Variants in GALNT2 observed in about 807,000 individuals in gnomAD.
The protein encoded by GALNT2 is UDP-GalNAc:polypeptide N-acetylgalactosaminyltransferase 2.
In GALNT2, 31 loss-of-function variants were observed where a neutral mutation model predicts 81.4. That is an observed-to-expected ratio of 0.38 (90% CI 0.29 to 0.51). The LOEUF (loss-of-function observed/expected upper bound fraction) is 0.51, where lower values mean the gene tolerates loss of function less well. Among genes scored for constraint, GALNT2 ranks in the 20% least tolerant of loss-of-function variants. GALNT2 has a pLI of 0.87. For synonymous variants in GALNT2, 303 were observed against 287.4 expected, an observed-to-expected ratio of 1.05 and a Z score of -0.55; for missense variants, 629 against 765.7, an observed-to-expected ratio of 0.82 and a Z score of 2.11.
intron 2 of GALNT2, among the ~76,000 whole-genome samples, chr1:230,189,169 T>G (rs775103865): frequency 1.3e-5 from 2 of 152,196 alleles, no homozygotes; most frequent in Non-Finnish European, 2.9e-5. Flanking sequence ...GACCTTAGTG[T>G]CATTCTTGTA....
chr1:230,132,138 G>C (rs1013491730), intron 1 of GALNT2, among the ~76,000 whole-genome samples: 1 of 152,124 alleles, frequency 6.6e-6, no homozygotes. Context: ...TTTGTTTTTT[G>C]TTATTTCTAC....
chr1:230,151,969 C>G (rs1458737937), intron 1 of GALNT2, among the ~76,000 whole-genome samples: 1 of 152,262 alleles, frequency 6.6e-6, no homozygotes, highest in South Asian at 2.1e-4. Flanking sequence ...TGTGAATTAT[C>G]ATGGTGCTGG....
intron 1 of GALNT2, among the ~76,000 whole-genome samples, chr1:230,134,073 G>T (rs1474413246): frequency 6.8e-6 from 1 of 147,966 alleles, no homozygotes; most frequent in African/African-American, 2.5e-5. Context: ...TGGTTGGTTT[G>T]CTTGATTTTG....
Position 230,262,152 on chromosome 1 carries a change from G to A in GALNT2, c.1137-421G>A, listed in dbSNP as rs190295910. ...ATAGTGTCGTAGCCGTGACGGAGAA[G>A]GCCGTGGGGCCTGGAATCTCCTTGC... On this transcript the variant is annotated intron_variant, in intron 11 of 15. Transcript: ENST00000366672. 4.0e-3 allele frequency: 661 copies of A among 164,392 alleles called. 3 individuals carry two copies. Among genetic ancestry groups the A allele is most frequent in the Non-Finnish European group, 5.9e-3 (452 of 76,358 alleles). The allele number at this position is 164,392 out of a possible 1,614,324, so 10.2% of individuals were successfully genotyped here.
chr1:230,238,622 T>C (rs1665103559), intron 6 of GALNT2, among the ~76,000 whole-genome samples: 1 of 152,198 alleles, frequency 6.6e-6, no homozygotes, highest in South Asian at 2.1e-4. Flanking sequence ...TTTGTGGAGA[T>C]AGTCAAGTGG....
intron 7 of GALNT2, among the ~76,000 whole-genome samples, chr1:230,245,820 G>C (rs550297938): frequency 3.3e-5 from 5 of 152,288 alleles, no homozygotes; most frequent in South Asian, 2.1e-4. Flanking sequence ...AGTGACTCCT[G>C]CTACGCACCC....
chr1:230,246,951 G>C (rs1665390301), intron 8 of GALNT2, among the ~76,000 whole-genome samples: 1 of 151,994 alleles, frequency 6.6e-6, no homozygotes, highest in Non-Finnish European at 1.5e-5. Flanking sequence ...TATAAAATAG[G>C]GCCTTGACCA....
intron 1 of GALNT2, among the ~76,000 whole-genome samples, chr1:230,087,815 T>G (rs1571946155): frequency 6.6e-6 from 1 of 152,240 alleles, no homozygotes; most frequent in South Asian, 2.1e-4. Context: ...GGTGTTTGCT[T>G]TAATATTCAG....
intron 14 of GALNT2, among the ~76,000 whole-genome samples, chr1:230,269,818 G>C (rs1666124154): frequency 1.3e-5 from 2 of 152,110 alleles, no homozygotes; most frequent in African/African-American, 4.8e-5. Flanking sequence ...GATTGCTAAA[G>C]CCCAAGAGGT....
chr1:230,141,083 A>C (rs529692286), intron 1 of GALNT2, among the ~76,000 whole-genome samples: 2 of 152,240 alleles, frequency 1.3e-5, no homozygotes, highest in Non-Finnish European at 2.9e-5. Context: ...GCTTAAAGAC[A>C]TTCTGTTTCT....
At chr1:230,097,677 T>G (rs1315675371) in intron 1 of GALNT2, among the ~76,000 whole-genome samples, 5 of 152,228 alleles carry the variant, frequency 3.3e-5, no homozygotes, top group Non-Finnish European at 7.3e-5. Context: ...TTTGGGTTGT[T>G]TCCGCTTTCT....
intron 1 of GALNT2, among the ~76,000 whole-genome samples, chr1:230,136,719 A>G (rs1558102641): frequency 6.6e-6 from 1 of 152,210 alleles, no homozygotes; most frequent in South Asian, 2.1e-4. Context: ...AGAATTTTCC[A>G]AACACCGCTT....
At chr1:230,226,486 C>T (rs750770847) in intron 3 of GALNT2, among the ~76,000 whole-genome samples, 18 of 152,234 alleles carry the variant, frequency 1.2e-4, no homozygotes, top group African/African-American at 4.1e-4. Context: ...GCTAATTTAA[C>T]GCCCCCACAG....
At position 230,272,251 on chromosome 1, in the gene GALNT2, C is replaced by T. The variant is rs140877361; in HGVS notation, c.1441-2194C>T. 3.3e-4 allele frequency among the ~76,000 whole-genome samples: 49 copies of T among 150,100 alleles called. No homozygotes were observed. In the East Asian group the frequency reaches 9.6e-3, roughly 29 times the overall value. ...GGAACTCACCCATGTTGAATGACAG[C>T]ATCATAGAATGTTGGGATTCGACTC... is the stretch of plus-strand genomic sequence containing the variant. On this transcript the variant is annotated intron_variant, in intron 14 of 15. Transcript: ENST00000366672.
chr1:230,171,738 T>C (rs1243631428), intron 1 of GALNT2, among the ~76,000 whole-genome samples: 2 of 152,248 alleles, frequency 1.3e-5, no homozygotes, highest in African/African-American at 2.4e-5. Flanking sequence ...TTCTTTGTTA[T>C]TATCTAGTTT....
At chr1:230,068,103 C>G (rs1046565457) in intron 1 of GALNT2, among the ~76,000 whole-genome samples, 2 of 152,254 alleles carry the variant, frequency 1.3e-5, no homozygotes, top group African/African-American at 4.8e-5. Context: ...GCGAGCCGGA[C>G]GTGGCCTCCT....
intron 8 of GALNT2, among the ~76,000 whole-genome samples, chr1:230,247,629 C>G (rs985297186): frequency 6.6e-6 from 1 of 152,204 alleles, no homozygotes; most frequent in Middle Eastern, 3.2e-3. Context: ...ATTCGAAGAG[C>G]TGAGATCTAC....
At chr1:230,090,788 A>G (rs1660047948) in intron 1 of GALNT2, among the ~76,000 whole-genome samples, 1 of 152,204 alleles carries the variant, frequency 6.6e-6, no homozygotes, top group Admixed American at 6.5e-5. Context: ...GTAATTAAAT[A>G]TGAGTTAAAG....
chr1:230,183,517 T>A lies in GALNT2; in HGVS notation c.220+5206T>A, dbSNP rs187292882. Among the ~76,000 whole-genome samples, 249 of 152,352 alleles carry A rather than the reference T, an allele frequency of 1.6e-3. 2 individuals carry two copies. Among genetic ancestry groups the A allele is most frequent in the Middle Eastern group, 0.014 (4 of 294 alleles). On this transcript the variant is annotated intron_variant, in intron 2 of 15. Coordinates refer to ENST00000366672, the MANE Select transcript of GALNT2 (RefSeq NM_004481.5). ...TTTCACAGGTAGTGCACGTATCTTA[T>A]AACAACAAAGTATTCTTGATTCCTC...
Sources: allele counts gnomAD v4.1 joint callset (sites outside exome capture counted in the v4.1 genomes callset), GRCh38; gene constraint gnomAD v4.1.1; transcripts MANE v1.5; gene names NCBI Gene and HGNC (gene_info 2026-07-23, HGNC 2026-07-21).